TBKBP1: variants seen among roughly 807,000 people sequenced by gnomAD.
TBKBP1 encodes the protein TANK-binding kinase 1-binding protein 1.
A neutral mutation model predicts 69.9 loss-of-function variants in TBKBP1; 47 were observed. That is an observed-to-expected ratio of 0.67 (90% confidence interval 0.53 to 0.86). The LOEUF (loss-of-function observed/expected upper bound fraction) is 0.86. TBKBP1 is among the 40% of genes least tolerant of loss of function. The probability of loss-of-function intolerance (pLI) is 0.00; values close to 1 mark genes in which losing one functional copy is unlikely to be tolerated. For missense variants in TBKBP1, 831 were observed against 858.6 expected (o/e 0.97, Z 0.40); for synonymous variants, 418 against 390.3 (o/e 1.07, Z -0.84).
chr17:47,697,281 C>A, intron 4 of TBKBP1, 88 bp downstream of exon 4: 2 of 1,130,868 alleles, frequency 1.8e-6, no homozygotes, highest in Admixed American at 2.0e-5. Context: ...GTGAGGATTC[C>A]AGCCTGTGAC....
chr17:47,694,492 A>T (rs1232869846), intron 1 of TBKBP1: 2 of 149,990 alleles, frequency 1.3e-5, no homozygotes, highest in Non-Finnish European at 3.0e-5. Flanking sequence ...CCGAGAGGGG[A>T]GGGGCGACAA....
chr17:47,706,723 G>A (rs117010008), intron 7 of TBKBP1, among the ~76,000 whole-genome samples: 6,762 of 152,118 alleles, frequency 0.044, 224 homozygotes, highest in Middle Eastern at 0.16. Context: ...GCCAGTGAGC[G>A]ACAGCAGGGA....
At position 47,696,737 on chromosome 17, in the gene TBKBP1, G is replaced by A; in HGVS notation, c.252G>A (p.Glu84=). 6.2e-7 allele frequency: 1 copy of A among 1,613,968 alleles called. No individual in the cohort carries two copies. The highest frequency in any genetic ancestry group is 1.1e-5 in the South Asian group (1 of 91,086). ...ACCCACTGATCAGTGACTTTGGAGA[G>A]GAGCATGGCTTTTCTCTGTATGAAA... ...IKYPLISDFG[E]EHGFSLYEIK... The change falls in exon 3 of 10, where the codon GAG becomes GAA. Residue 84 remains glutamate (E), a synonymous_variant. Transcript: ENST00000578982.
chr17:47,695,997 G>C, intron 1 of TBKBP1, 82 bp from the exon 2 acceptor site: 1 of 779,134 alleles, frequency 1.3e-6, no homozygotes, highest in South Asian at 1.8e-5. Flanking sequence ...GCCGGCCCCA[G>C]GGAGTGCAGA....
At chr17:47,699,172 T>A in intron 5 of TBKBP1, 148 bp from the exon 6 acceptor site, 1 of 871,520 alleles carries the variant, frequency 1.1e-6, no homozygotes, top group South Asian at 3.0e-5. Context: ...CCATCTTTCC[T>A]CGCTGCCCTT....
At chr17:47,698,472 C>A in intron 4 of TBKBP1, 123 bp from the exon 5 acceptor site, 2 of 1,072,296 alleles carry the variant, frequency 1.9e-6, no homozygotes, top group Non-Finnish European at 2.6e-6. Flanking sequence ...GCACTCACAG[C>A]CACTTGGAGA....
chr17:47,709,101 C>T lies in TBKBP1; in HGVS notation c.1368C>T (p.Phe456=), dbSNP rs918340289. Reference sequence around the variant, plus strand: ...CCAGCCACCACGTGAAGGCCGGCTTCCAGGGCCGCCGCAGCTACTCTGAGC... The same window carrying T: ...CCAGCCACCACGTGAAGGCCGGCTTTCAGGGCCGCCGCAGCTACTCTGAGC... ...KPPSHHVKAG[F]QGRRSYSELA... is the part of the protein sequence containing the mutation. The change falls in exon 9 of 10, where the codon TTC becomes TTT. Residue 456 remains phenylalanine (F), a synonymous_variant. Coordinates refer to ENST00000578982, the MANE Select transcript of TBKBP1 (RefSeq NM_001394755.1). 2 of 1,363,078 alleles carry T rather than the reference C, an allele frequency of 1.5e-6. No individual in the cohort carries two copies. Among genetic ancestry groups the T allele is most frequent in the African/African-American group, 3.1e-5 (2 of 64,590 alleles). 84.4% of individuals were successfully genotyped at this position (1,363,078 alleles called of 1,614,324 possible). A position where few individuals can be genotyped will look rare whatever the true frequency, so the allele number is the denominator to read the frequency against.
intron 1 of TBKBP1, among the ~76,000 whole-genome samples, chr17:47,694,994 G>A (rs1270186088): frequency 2.0e-5 from 3 of 151,430 alleles, no homozygotes; most frequent in Non-Finnish European, 1.5e-5. Context: ...GCTCCCTGCC[G>A]AGCCCCCTCT....
At position 47,708,463 on chromosome 17, in the gene TBKBP1, A is replaced by G. The variant is rs776472274; in HGVS notation, c.942A>G (p.Leu314=). 9 of 1,613,856 alleles carry G rather than the reference A, an allele frequency of 5.6e-6. No individual in the cohort carries two copies. In the East Asian group the frequency reaches 8.9e-5, roughly 16 times the overall value. Residue 314 remains leucine (L), a synonymous_variant, in exon 8 of 10, where the codon CTA becomes CTG. Transcript: ENST00000578982. This position sits in a 1 kb window ranked among gnomAD's most constrained non-coding sequence, Gnocchi z 4.4. The part of the protein sequence containing the change: ...ELGRLRELSS[L]QGRILRTLLQ... ...GCCGGCTTCGGGAGTTGAGTTCCCT[A>G]CAGGGGAGAATCTTGAGGACTCTGT...
rs1316639443 is a variant in TBKBP1 at position 47,708,737 on chromosome 17, C to T, written c.1004C>T (p.Ser335Leu). The T allele has an allele frequency of 4.3e-5, 64 of 1,489,756 alleles. No homozygotes were observed. Among genetic ancestry groups the T allele is most frequent in the Non-Finnish European group, 5.3e-5 (60 of 1,123,852 alleles). 92.3% of individuals were successfully genotyped at this position (1,489,756 alleles called of 1,614,324 possible). ...GTTTCTCTTCCAGGCCAGAGGCACT[C>T]GCCGCTGTCACAACGCCACTCCCCG... Reference protein sequence around the residue: ...EQARSGGQRHSPLSQRHSPAP... With the variant: ...EQARSGGQRHLPLSQRHSPAP... Residue 335 changes from serine (S) to leucine (L), a missense_variant, in exon 9 of 10, where the codon TCG (serine) becomes TTG (leucine). Transcript: ENST00000578982. The surrounding 1 kb of genome is among the most constrained non-coding windows in gnomAD (Gnocchi z 4.4).
intron 5 of TBKBP1, 93 bp from the exon 6 acceptor site, chr17:47,699,227 G>T (rs1044197126): frequency 6.0e-6 from 8 of 1,334,216 alleles, no homozygotes; most frequent in Non-Finnish European, 7.8e-6. Flanking sequence ...CTTCTCTCTT[G>T]GAGTCCCCAT....
In TBKBP1 at chr17:47,696,083, C is replaced by T. The variant is rs1383341578; in HGVS notation, c.-30C>T. 1.3e-6 allele frequency: 2 copies of T among 1,570,180 alleles called. No homozygotes were observed. The highest frequency in any genetic ancestry group is 1.4e-5 in the African/African-American group (1 of 73,800). On this transcript the variant is annotated 5_prime_UTR_variant, in exon 2 of 10. Coordinates refer to ENST00000578982, the MANE Select transcript of TBKBP1 (RefSeq NM_001394755.1). The stretch of plus-strand genomic sequence containing the variant: ...CGGTTGCTCCTGCTCTCCTAGGAGG[C>T]CCCGTGTGGGCCGCGGCCCGGCCCT...
At position 47,696,821 on chromosome 17, in the gene TBKBP1, G is replaced by T; in HGVS notation, c.336G>T (p.Gln112His). ...EKVSLQQRLNQFQHELQKNKE... is the reference protein window; with the variant it reads ...EKVSLQQRLNHFQHELQKNKE... The stretch of plus-strand genomic sequence containing the variant: ...TCAGCCTGCAGCAACGGCTCAACCA[G>T]TTCCAGCATGAGGTGAGCCTACCAG... The change falls in exon 3 of 10, where the codon CAG (glutamine) becomes CAT (histidine). Residue 112 changes from glutamine to histidine, a missense_variant. By Grantham distance (24) the Gln-to-His change is conservative. Coordinates refer to ENST00000578982, the MANE Select transcript of TBKBP1 (RefSeq NM_001394755.1). 1 of 1,613,854 alleles carries T rather than the reference G, an allele frequency of 6.2e-7. No homozygotes were observed. Among genetic ancestry groups the T allele is most frequent in the Non-Finnish European group, 8.5e-7 (1 of 1,179,794 alleles).
rs1377558942 is a variant in TBKBP1 at position 47,697,203 on chromosome 17, G to A, written c.453+10G>A. On this transcript the variant is annotated intron_variant, in intron 4 of 9. Coordinates refer to ENST00000578982, the MANE Select transcript of TBKBP1 (RefSeq NM_001394755.1). ...AGAGCTGAGGGAGATGGTGAGGCCT[G>A]GGGAGCCGGAGGTGCTTGAGGATGT... is the stretch of plus-strand genomic sequence containing the variant. 6.2e-7 allele frequency: 1 copy of A among 1,609,234 alleles called. No individual in the cohort carries two copies. The highest frequency in any genetic ancestry group is 1.1e-5 in the South Asian group (1 of 90,212).
chr17:47,710,371 A>T, intron 9 of TBKBP1, 127 bp from the exon 10 acceptor site: 2 of 1,280,214 alleles, frequency 1.6e-6, no homozygotes, highest in Admixed American at 2.3e-5. Flanking sequence ...TGCTGAAGAA[A>T]GGGTGGCTGG....
In TBKBP1 at chr17:47,710,632, CA is replaced by C. The variant is rs769339557; in HGVS notation, c.*7del. 7 of 1,592,298 alleles carry C rather than the reference CA, an allele frequency of 4.4e-6. No individual in the cohort carries two copies. The highest frequency in any genetic ancestry group is 1.7e-5 in the Admixed American group (1 of 59,626). On this transcript the variant is annotated 3_prime_UTR_variant, in exon 10 of 10. Transcript: ENST00000578982. ...TGGAGAACAGCAAGATCTAGGGCAC[CA>C]GCCCCACCCACTGGCTGTTTCTCCG... is the stretch of plus-strand genomic sequence containing the variant.
chr17:47,710,574 A>G lies in TBKBP1; in HGVS notation c.1796A>G (p.Asp599Gly), dbSNP rs751195962. ...CTGGGTTTCCCTGTCGGGTACCCGG[A>G]TGATGCCCTCATCAAACACATTGAC... ...CQLGFPVGYP[D>G]DALIKHIDSH... Residue 599 changes from aspartate to glycine, a missense_variant, in exon 10 of 10, where the codon GAT becomes GGT. Asp to Gly is a moderately conservative substitution (Grantham distance 94). Transcript: ENST00000578982. 3 of 1,612,376 alleles carry G rather than the reference A, an allele frequency of 1.9e-6. No homozygotes were observed. Among genetic ancestry groups the G allele is most frequent in the East Asian group, 2.2e-5 (1 of 44,842 alleles).
At chr17:47,702,710 G>A (rs2031551637) in intron 7 of TBKBP1, among the ~76,000 whole-genome samples, 1 of 152,052 alleles carries the variant, frequency 6.6e-6, no homozygotes, top group Admixed American at 6.5e-5. Flanking sequence ...CCAGCTCCTG[G>A]GGACAGAGCC....
rs560875634 is a variant in TBKBP1 at position 47,708,461 on chromosome 17, C to G, written c.940C>G (p.Leu314Val). Residue 314 changes from leucine to valine, a missense_variant, in exon 8 of 10, where the codon CTA (leucine) becomes GTA (valine). Leu to Val is a conservative substitution (Grantham distance 32, BLOSUM62 1). Transcript: ENST00000578982. The surrounding 1 kb of genome is among the most constrained non-coding windows in gnomAD (Gnocchi z 4.4). ...GGGCCGGCTTCGGGAGTTGAGTTCC[C>G]TACAGGGGAGAATCTTGAGGACTCT... ...ELGRLRELSS[L>V]QGRILRTLLQ... is the part of the protein sequence containing the mutation. 3.7e-6 allele frequency: 6 copies of G among 1,613,918 alleles called. No homozygotes were observed. Among genetic ancestry groups the G allele is most frequent in the South Asian group, 1.1e-5 (1 of 91,086 alleles).
Sources: allele counts gnomAD v4.1 joint callset (sites outside exome capture counted in the v4.1 genomes callset), GRCh38; gene constraint gnomAD v4.1.1; non-coding constraint Gnocchi (gnomAD v3.1); transcripts MANE v1.5; gene names NCBI Gene and HGNC (gene_info 2026-07-23, HGNC 2026-07-21).